Variants in LRP1B observed in about 807,000 individuals in gnomAD.
LRP1B encodes the protein LDL receptor related protein 1B.
Under a neutral mutation model 556.6 loss-of-function variants are expected in LRP1B, and 217 were observed. The ratio of observed to expected loss-of-function variants is 0.39; its 90% CI spans 0.35 to 0.44. The LOEUF is 0.44. Ranked by LOEUF, LRP1B falls within the 20% of genes least tolerant of loss-of-function variation. LRP1B has a pLI of 1.00. For missense variants in LRP1B, 5,053 were observed against 5,620.8 expected (o/e 0.90, Z 3.23); for synonymous variants, 2,047 against 1,865.8 (o/e 1.10, Z -2.50).
At chr2:141,805,475 A>G (rs1374070054) in intron 2 of LRP1B, 1 of 152,152 alleles carries the variant, frequency 6.6e-6, no homozygotes, top group Non-Finnish European at 1.5e-5. Context: ...TGTAGACTAC[A>G]CCATATTGCA....
At position 140,323,973 on chromosome 2, in the gene LRP1B, T is replaced by C. The variant is rs200904704; in HGVS notation, c.12434A>G (p.His4145Arg). 2.4e-5 allele frequency: 39 copies of C among 1,606,926 alleles called. No homozygotes were observed. The highest frequency in any genetic ancestry group is 3.2e-5 in the Non-Finnish European group (38 of 1,173,976). Residue 4145 changes from histidine to arginine, a missense_variant, in exon 81 of 91, where the codon CAT (histidine) becomes CGT (arginine). Physicochemically the swap from His to Arg is conservative, Grantham distance 29. Around this residue, in one of 5 missense-constraint regions of LRP1B, gnomAD observed 551 missense variants for 592.0 expected, o/e 0.93. Transcript: ENST00000389484. Reference sequence around the variant, plus strand: ...TAAAGCTAAGTACTCTACTGAACCATGGCCAAATTTTTGAACTCGAAATAC... The same window carrying C: ...TAAAGCTAAGTACTCTACTGAACCACGGCCAAATTTTTGAACTCGAAATAC... ...NGVFRVQKFG[H>R]GSVEYLALNI... is the part of the protein sequence containing the mutation.
chr2:141,838,716 G>C (rs1558909561), intron 1 of LRP1B, among the ~76,000 whole-genome samples: 2 of 152,126 alleles, frequency 1.3e-5, no homozygotes, highest in Non-Finnish European at 2.9e-5. Flanking sequence ...TCTTAGTAGA[G>C]AAAGTATATT....
At chr2:141,090,114 A>C (rs1700139992) in intron 7 of LRP1B, among the ~76,000 whole-genome samples, 1 of 152,178 alleles carries the variant, frequency 6.6e-6, no homozygotes, top group African/African-American at 2.4e-5. Context: ...TTGATTTGTA[A>C]TGTTGGCCAA....
intron 2 of LRP1B, among the ~76,000 whole-genome samples, chr2:141,777,152 A>G (rs560124604): frequency 6.6e-6 from 1 of 152,214 alleles, no homozygotes; most frequent in Non-Finnish European, 1.5e-5. Flanking sequence ...ATTGCCATTT[A>G]TTTAATCACA....
At chr2:140,666,896 A>G (rs745957647) in intron 41 of LRP1B, among the ~76,000 whole-genome samples, 3 of 152,352 alleles carry the variant, frequency 2.0e-5, no homozygotes, top group Non-Finnish European at 4.4e-5. Context: ...AAATAAAGCT[A>G]GCACACATTC....
intron 56 of LRP1B, among the ~76,000 whole-genome samples, chr2:140,494,540 G>A (rs1688832679): frequency 6.8e-6 from 1 of 148,034 alleles, no homozygotes; most frequent in South Asian, 2.1e-4. Context: ...GGGGGAGGCA[G>A]AGCTTGCAGC....
At chr2:140,734,131 C>T (rs574948598) in intron 35 of LRP1B, among the ~76,000 whole-genome samples, 32 of 152,240 alleles carry the variant, frequency 2.1e-4, no homozygotes, top group African/African-American at 7.0e-4. Context: ...TTTGCTACTG[C>T]GAAGGAATCT....
intron 6 of LRP1B, among the ~76,000 whole-genome samples, chr2:141,218,212 TA>T (rs1001509634): frequency 6.6e-6 from 1 of 152,178 alleles, no homozygotes; most frequent in East Asian, 1.9e-4. Flanking sequence ...CAGCCACTGT[TA>T]AAAACAGTTT....
rs1251449679 is a variant in LRP1B, at chr2:140,653,361, T to C, written c.6799+46889A>G. On this transcript the variant is annotated intron_variant, in intron 41 of 90. Coordinates refer to ENST00000389484, the MANE Select transcript of LRP1B (RefSeq NM_018557.3). ...GAGATATACATATCTCTTAAGGGAA[T>C]ATATTGGTGCAGTAGTGATAAGTAC... is the stretch of plus-strand genomic sequence containing the variant. Among the ~76,000 whole-genome samples, 4 of 152,104 alleles carry C rather than the reference T, an allele frequency of 2.6e-5. No homozygotes were observed. The East Asian group carries it at 7.7e-4, about 29-fold the overall frequency.
intron 6 of LRP1B, among the ~76,000 whole-genome samples, chr2:141,227,989 C>T (rs1683310909): frequency 6.6e-6 from 1 of 152,144 alleles, no homozygotes; most frequent in South Asian, 2.1e-4. Flanking sequence ...TGCAATGTCA[C>T]AATCTCGGCT....
At chr2:140,756,191 A>T (rs1314353461) in intron 35 of LRP1B, among the ~76,000 whole-genome samples, 1 of 152,038 alleles carries the variant, frequency 6.6e-6, no homozygotes, top group East Asian at 1.9e-4. Flanking sequence ...AAAAGACTCA[A>T]ATAAATAGAA....
intron 2 of LRP1B, among the ~76,000 whole-genome samples, chr2:141,651,343 A>G (rs1444669905): frequency 6.6e-6 from 1 of 152,216 alleles, no homozygotes; most frequent in South Asian, 2.1e-4. Context: ...TCTCAGATAA[A>G]TAATGAATCA....
chr2:141,575,510 C>T (rs1686705685), intron 2 of LRP1B, among the ~76,000 whole-genome samples: 1 of 152,120 alleles, frequency 6.6e-6, no homozygotes, highest in South Asian at 2.1e-4. Flanking sequence ...AGAAGAAAAA[C>T]TAGGCAATAT....
At chr2:140,495,885 CTT>C (rs1688904959) in intron 55 of LRP1B, 137 bp from the exon 56 acceptor site, 1 of 629,982 alleles carries the variant, frequency 1.6e-6, no homozygotes, top group African/African-American at 1.8e-5. Context: ...AGCATTTGAC[CTT>C]TGATGGGAAT....
At chr2:141,468,961 G>T (rs1682350069) in intron 3 of LRP1B, among the ~76,000 whole-genome samples, 1 of 152,116 alleles carries the variant, frequency 6.6e-6, no homozygotes, top group Non-Finnish European at 1.5e-5. Context: ...CCGCTTCATG[G>T]TTTTTTACAA....
At position 140,399,914 on chromosome 2, in the gene LRP1B, T is replaced by G. The variant is rs541978649; in HGVS notation, c.10415-13905A>C. Among the ~76,000 whole-genome samples, 6 of 152,338 alleles carry G rather than the reference T, an allele frequency of 3.9e-5. No homozygotes were observed. The East Asian group carries it at 1.2e-3, about 29-fold the overall frequency. ...TTAGACAGTCTTTGGTATTCCCTTT[T>G]GTCAATTTTGTTTTTCCTTGAAAAT... is the stretch of plus-strand genomic sequence containing the variant. On this transcript the variant is annotated intron_variant, in intron 66 of 90. Transcript: ENST00000389484.
At chr2:140,391,725 T>C (rs1395321167) in intron 66 of LRP1B, among the ~76,000 whole-genome samples, 1 of 152,088 alleles carries the variant, frequency 6.6e-6, no homozygotes, top group Non-Finnish European at 1.5e-5. Flanking sequence ...GCTCCAGAAT[T>C]TGAATGCTTT....
chr2:140,324,894 G>A, intron 80 of LRP1B, among the ~76,000 whole-genome samples: 1 of 140,332 alleles, frequency 7.1e-6, no homozygotes, highest in Non-Finnish European at 1.5e-5. Context: ...TTCCATCTGA[G>A]GCCATTGATT....
At chr2:141,181,871 T>G (rs1381346690) in intron 7 of LRP1B, among the ~76,000 whole-genome samples, 1 of 150,244 alleles carries the variant, frequency 6.7e-6, no homozygotes, top group Admixed American at 6.6e-5. Context: ...AAAATTTAAT[T>G]AATGAGAAGA....
Sources: gnomAD v4.1 joint callset for allele counts (sites outside exome capture counted in the v4.1 genomes callset) on GRCh38, gnomAD v4.1.1 for gene constraint, gnomAD v4.1.1 regional missense constraint, MANE v1.5 for transcripts, NCBI Gene and HGNC (gene_info 2026-07-23, HGNC 2026-07-21) for gene names.